The following CCNY variants were observed in gnomAD, a reference collection of about 807,000 sequenced individuals.
CCNY encodes the protein cyclin Y, also known as cyclin-Y.
Under a neutral mutation model 42.8 loss-of-function variants are expected in CCNY, and 19 were observed. That is an observed-to-expected ratio of 0.44 (90% CI 0.31 to 0.65). The LOEUF (loss-of-function observed/expected upper bound fraction) is 0.65, where lower values mean the gene tolerates loss of function less well. CCNY is among the 30% of genes least tolerant of loss of function. The pLI, the probability that CCNY is intolerant of heterozygous loss-of-function variation, is 0.07. For missense variants in CCNY, 370 were observed against 437.3 expected, an observed-to-expected ratio of 0.85 and a Z score of 1.37; for synonymous variants, 165 against 162.7, an observed-to-expected ratio of 1.01 and a Z score of -0.11.
chr10:35,350,075 G>C (rs1167997929), intron 1 of CCNY, among the ~76,000 whole-genome samples: 1 of 152,150 alleles, frequency 6.6e-6, no homozygotes, highest in Non-Finnish European at 1.5e-5. Flanking sequence ...GGGCTGCGTT[G>C]TTCCTTTTGA....
At chr10:35,326,026 T>C (rs1199746284) in intron 3 of CCNY, among the ~76,000 whole-genome samples, 1 of 152,040 alleles carries the variant, frequency 6.6e-6, no homozygotes, top group Non-Finnish European at 1.5e-5. Context: ...CAGGGAGCCA[T>C]GATTATGCCA....
At chr10:35,351,528 T>C (rs573967581) in intron 1 of CCNY, among the ~76,000 whole-genome samples, 133 of 152,290 alleles carry the variant, frequency 8.7e-4, no homozygotes, top group African/African-American at 2.8e-3. Context: ...TATCAGCTGT[T>C]TTTCAGATGC....
chr10:35,310,188 T>C (rs1405648684), intron 3 of CCNY, among the ~76,000 whole-genome samples: 3 of 152,242 alleles, frequency 2.0e-5, no homozygotes, highest in African/African-American at 4.8e-5. Context: ...TTTGTCTTTC[T>C]GTGCCTGGCT....
chr10:35,288,321 C>T (rs778218878), intron 3 of CCNY, among the ~76,000 whole-genome samples: 4 of 151,984 alleles, frequency 2.6e-5, no homozygotes, highest in Non-Finnish European at 5.9e-5. Context: ...GCCAATGTGT[C>T]TTACTGGGTT....
chr10:35,356,862 A>G (rs973134905), intron 1 of CCNY, among the ~76,000 whole-genome samples: 1 of 151,860 alleles, frequency 6.6e-6, no homozygotes, highest in Non-Finnish European at 1.5e-5. Flanking sequence ...CCTGCTCACA[A>G]TCCCTGAGTG....
intron 3 of CCNY, among the ~76,000 whole-genome samples, chr10:35,280,781 C>A (rs1031767277): frequency 2.0e-5 from 3 of 152,058 alleles, no homozygotes; most frequent in African/African-American, 4.8e-5. Context: ...ATTTACACTT[C>A]AAAATACACT....
At chr10:35,256,783 G>A (rs1011664711) in intron 3 of CCNY, among the ~76,000 whole-genome samples, 1 of 150,684 alleles carries the variant, frequency 6.6e-6, no homozygotes, top group African/African-American at 2.4e-5. Flanking sequence ...TTATAGCTAG[G>A]TCCTCACTCC....
chr10:35,389,680 G>A (rs750594851), intron 1 of CCNY, among the ~76,000 whole-genome samples: 15 of 151,926 alleles, frequency 9.9e-5, no homozygotes, highest in African/African-American at 1.9e-4. Context: ...CTTGTGATCC[G>A]CCCACCTTGG....
intron 8 of CCNY, among the ~76,000 whole-genome samples, chr10:35,556,562 A>G (rs983535694): frequency 1.3e-5 from 2 of 152,184 alleles, no homozygotes; most frequent in Non-Finnish European, 2.9e-5. Context: ...TGATCAAACA[A>G]TTGCGTATAT....
In CCNY at chr10:35,498,827, A is replaced by G. The variant is rs566200238; in HGVS notation, c.230-2674A>G. Among the ~76,000 whole-genome samples, 8 of 152,322 alleles carry G rather than the reference A, an allele frequency of 5.3e-5. 1 individual carries two copies. In the East Asian group the frequency reaches 1.5e-3, roughly 29 times the overall value. On this transcript the variant is annotated intron_variant, in intron 2 of 9. Coordinates refer to ENST00000374704, the MANE Select transcript of CCNY (RefSeq NM_145012.6). ...GAGGAGCATTACAAAACCATACAGG[A>G]AAGTGGCACCTGATTCAGGCCCCAG...
chr10:35,452,312 G>T (rs948736069), intron 1 of CCNY, among the ~76,000 whole-genome samples: 3 of 152,162 alleles, frequency 2.0e-5, no homozygotes, highest in African/African-American at 7.2e-5. Flanking sequence ...CTGTTTGTTG[G>T]TCTCTGCATA....
intron 3 of CCNY, among the ~76,000 whole-genome samples, chr10:35,257,166 CAGGTCTAGTGGT>C (rs989714316): frequency 6.6e-6 from 1 of 151,878 alleles, no homozygotes; most frequent in African/African-American, 2.4e-5. Context: ...TATTGTGGGG[CAGGTCTAGTGGT>C]AATTCTCTCT....
At chr10:35,449,670 A>AG (rs963790038) in intron 1 of CCNY, 11 of 700,632 alleles carry the variant, frequency 1.6e-5, no homozygotes, top group African/African-American at 3.9e-5. Context: ...ATTGCCGAGT[A>AG]GGGGGGCCGG....
At chr10:35,493,235 T>C (rs1395291993) in intron 2 of CCNY, among the ~76,000 whole-genome samples, 1 of 152,158 alleles carries the variant, frequency 6.6e-6, no homozygotes, top group African/African-American at 2.4e-5. Context: ...ACCTGCGCTG[T>C]TCCCAGTCAG....
At chr10:35,310,568 A>AT (rs201895422) in intron 3 of CCNY, among the ~76,000 whole-genome samples, 1,677 of 152,104 alleles carry the variant, frequency 0.011, 42 homozygotes, top group African/African-American at 0.039. Flanking sequence ...AAGATTTGTT[A>AT]TTTTTTGTCT....
intron 1 of CCNY, among the ~76,000 whole-genome samples, chr10:35,365,852 C>T (rs1836797082): frequency 6.6e-6 from 1 of 152,058 alleles, no homozygotes; most frequent in Admixed American, 6.6e-5. Context: ...TCAAAATAAG[C>T]TAAAAAATGA....
At chr10:35,454,741 AGCTTTCTTCCTG>A (rs1838993086) in intron 1 of CCNY, among the ~76,000 whole-genome samples, 1 of 152,222 alleles carries the variant, frequency 6.6e-6, no homozygotes, top group African/African-American at 2.4e-5. Flanking sequence ...CTCTGGCAGC[AGCTTTCTTCCTG>A]GCTTTCTTGT....
intron 1 of CCNY, among the ~76,000 whole-genome samples, chr10:35,383,913 A>G (rs1034287626): frequency 6.6e-5 from 10 of 152,216 alleles, no homozygotes; most frequent in Admixed American, 2.0e-4. Context: ...TATATGGTCA[A>G]TGGTAAATTG....
Position 35,530,789 on chromosome 10 carries a change from C to T in CCNY, c.579+546C>T, listed in dbSNP as rs1464674353. 6.6e-6 allele frequency among the ~76,000 whole-genome samples: 1 copy of T among 152,176 alleles called. No individual in the cohort carries two copies. The highest frequency in any genetic ancestry group is 6.5e-5 in the Admixed American group (1 of 15,288). On this transcript the variant is annotated intron_variant, in intron 7 of 9. Coordinates refer to ENST00000374704, the MANE Select transcript of CCNY (RefSeq NM_145012.6). This position sits in a 1 kb window ranked among gnomAD's most constrained non-coding sequence, Gnocchi z 4.3. ...AAGAAAAAATAAAAATTTGTTTTTA[C>T]AGCTGGGCTCCATGGCTCACGTCAG...
Sources: allele counts gnomAD v4.1 joint callset (sites outside exome capture counted in the v4.1 genomes callset), GRCh38; gene constraint gnomAD v4.1.1; non-coding constraint Gnocchi (gnomAD v3.1); transcripts MANE v1.5; gene names NCBI Gene and HGNC (gene_info 2026-07-23, HGNC 2026-07-21).